Variants in HS6ST2 observed in about 807,000 individuals in gnomAD.
HS6ST2 encodes the protein heparan sulfate 6-O-sulfotransferase 2, also known as heparan-sulfate 6-O-sulfotransferase 2.
Under a neutral mutation model 33.0 loss-of-function variants are expected in HS6ST2, and 17 were observed. The ratio of observed to expected loss-of-function variants is 0.52; its 90% CI spans 0.35 to 0.77. The LOEUF is 0.77. HS6ST2 is among the 30% of genes least tolerant of loss of function. The probability of loss-of-function intolerance (pLI) is 0.01; values close to 1 mark genes in which losing one functional copy is unlikely to be tolerated. For missense variants in HS6ST2, 519 were observed against 551.7 expected (o/e 0.94, Z 0.59); for synonymous variants, 248 against 237.1 (o/e 1.05, Z -0.42).
At chrX:132,763,684 C>T (rs779795922) in intron 2 of HS6ST2, among the ~76,000 whole-genome samples, 15 of 112,008 alleles carry the variant, frequency 1.3e-4, no homozygotes, top group African/African-American at 3.2e-4. Flanking sequence ...AGGGCCATGG[C>T]GAAGTGACTG....
intron 2 of HS6ST2, among the ~76,000 whole-genome samples, chrX:132,924,986 T>C (rs1382273575): frequency 9.0e-6 from 1 of 111,107 alleles, no homozygotes; most frequent in African/African-American, 3.3e-5. Flanking sequence ...GAGGTGGAAG[T>C]GGGACGATTA....
chrX:132,786,869 G>A (rs1397081692), intron 2 of HS6ST2, among the ~76,000 whole-genome samples: 2 of 108,055 alleles, frequency 1.9e-5, no homozygotes, highest in Non-Finnish European at 3.8e-5. Context: ...CAATCCACTC[G>A]CCTTAGCCTC....
At chrX:132,957,703 G>C (rs1044390392) in intron 1 of HS6ST2, among the ~76,000 whole-genome samples, 1 of 109,062 alleles carries the variant, frequency 9.2e-6, no homozygotes, top group South Asian at 4.2e-4. Context: ...GGGCCCCCGC[G>C]TGTCTCGCTC....
intron 2 of HS6ST2, among the ~76,000 whole-genome samples, chrX:132,719,285 C>A (rs1482525282): frequency 3.6e-5 from 4 of 112,149 alleles, no homozygotes; most frequent in African/African-American, 1.3e-4. Context: ...GTCACACAGT[C>A]ATAACAGGGT....
chrX:132,896,996 T>C (rs186053091), intron 2 of HS6ST2, among the ~76,000 whole-genome samples: 1 of 111,740 alleles, frequency 8.9e-6, no homozygotes, highest in African/African-American at 3.2e-5. Flanking sequence ...CAGCATGTGA[T>C]CCATCAGGAA....
intron 2 of HS6ST2, among the ~76,000 whole-genome samples, chrX:132,813,984 G>A (rs775591755): frequency 1.3e-3 from 142 of 111,069 alleles, no homozygotes; most frequent in African/African-American, 4.1e-3. Flanking sequence ...TCGCTCTGTC[G>A]CCCAGGCTGG....
chrX:132,834,192 C>T (rs149092641), intron 2 of HS6ST2, among the ~76,000 whole-genome samples: 20 of 111,622 alleles, frequency 1.8e-4, no homozygotes, highest in African/African-American at 6.5e-4. Flanking sequence ...AGAAGAGGAA[C>T]GAGGCAATAT....
chrX:132,933,037 A>G (rs959898229), intron 2 of HS6ST2, among the ~76,000 whole-genome samples: 3 of 109,765 alleles, frequency 2.7e-5, no homozygotes, highest in Admixed American at 2.0e-4. Flanking sequence ...TTACAAATTT[A>G]CTGCAAGGGC....
chrX:132,865,381 TG>T (rs770949291), intron 2 of HS6ST2, among the ~76,000 whole-genome samples: 2 of 110,876 alleles, frequency 1.8e-5, no homozygotes, highest in African/African-American at 6.6e-5. Flanking sequence ...CTATCATTGT[TG>T]GACATCTGGG....
At chrX:132,717,326 T>C (rs2064284331) in intron 2 of HS6ST2, among the ~76,000 whole-genome samples, 1 of 112,805 alleles carries the variant, frequency 8.9e-6, no homozygotes, top group Non-Finnish European at 1.9e-5. Context: ...GATGGAACTA[T>C]GTTCATATCC....
intron 2 of HS6ST2, among the ~76,000 whole-genome samples, chrX:132,944,092 C>T (rs1324078829): frequency 5.4e-5 from 6 of 111,325 alleles, no homozygotes; most frequent in East Asian, 2.8e-4. Context: ...GATGACATGA[C>T]TATATATCTA....
intron 3 of HS6ST2, among the ~76,000 whole-genome samples, chrX:132,685,515 T>C (rs1336954194): frequency 1.8e-5 from 2 of 111,302 alleles, no homozygotes; most frequent in Non-Finnish European, 3.8e-5. Flanking sequence ...TTGTACCCAA[T>C]GCATGCTGGT....
chrX:132,833,666 G>A (rs760141140), intron 2 of HS6ST2, among the ~76,000 whole-genome samples: 1 of 111,218 alleles, frequency 9.0e-6, no homozygotes, highest in Non-Finnish European at 1.9e-5. Flanking sequence ...AGCATTCACA[G>A]GAAGGGAAGT....
At chrX:132,646,623 A>G (rs1376743006) in intron 4 of HS6ST2, among the ~76,000 whole-genome samples, 1 of 110,617 alleles carries the variant, frequency 9.0e-6, no homozygotes, top group East Asian at 2.8e-4. Flanking sequence ...AGCTCACAGA[A>G]GGAAAAGAGC....
In HS6ST2 at chrX:132,726,704, T is replaced by C. The variant is rs927487283; in HGVS notation, c.948-18210A>G. Among the ~76,000 whole-genome samples, 5 of 112,063 alleles carry C rather than the reference T, an allele frequency of 4.5e-5. No individual in the cohort carries two copies. The Admixed American group carries it at 4.7e-4, about 11-fold the overall frequency. ...CAGCCCCTACTACCAGTCATCTACT[T>C]TCCATCTCAGTGGATTTTCCTATTC... On this transcript the variant is annotated intron_variant, in intron 2 of 4. Transcript: ENST00000370833.
chrX:132,865,137 C>G (rs1194033999), intron 2 of HS6ST2, among the ~76,000 whole-genome samples: 1 of 83,834 alleles, frequency 1.2e-5, no homozygotes, highest in African/African-American at 4.3e-5. Flanking sequence ...CTCCCCCCAC[C>G]CCACAACAGT....
intron 2 of HS6ST2, among the ~76,000 whole-genome samples, chrX:132,850,417 C>T (rs2065791693): frequency 9.0e-6 from 1 of 110,987 alleles, no homozygotes; most frequent in Admixed American, 9.6e-5. Context: ...GAGTGAAGGC[C>T]GACAGACAGT....
intron 2 of HS6ST2, among the ~76,000 whole-genome samples, chrX:132,866,136 C>T (rs2065976832): frequency 1.8e-5 from 2 of 110,527 alleles, no homozygotes; most frequent in South Asian, 7.7e-4. Flanking sequence ...GTCTTTAATC[C>T]ATCTTGAATT....
chrX:132,786,620 A>G (rs1400161737), intron 2 of HS6ST2, among the ~76,000 whole-genome samples: 1 of 78,494 alleles, frequency 1.3e-5, no homozygotes, highest in East Asian at 3.4e-4. Context: ...CTTTGTTTCT[A>G]TTACTTTTTT....
Sources: allele counts gnomAD v4.1 joint callset (sites outside exome capture counted in the v4.1 genomes callset), GRCh38; gene constraint gnomAD v4.1.1; transcripts MANE v1.5; gene names NCBI Gene and HGNC (gene_info 2026-07-23, HGNC 2026-07-21).